CD1B: variants seen among roughly 807,000 people sequenced by gnomAD.
CD1B encodes the protein T-cell surface glycoprotein CD1b.
A neutral mutation model predicts 39.8 loss-of-function variants in CD1B; 43 were observed. The observed-to-expected ratio is 1.08, with a 90% confidence interval of 0.85 to 1.39. The LOEUF is 1.39. CD1B is among the 40% of genes most tolerant of loss of function. The pLI is 0.00. For missense variants in CD1B, 495 were observed against 403.8 expected, an observed-to-expected ratio of 1.23 and a Z score of -1.94; for synonymous variants, 192 against 152.5, an observed-to-expected ratio of 1.26 and a Z score of -1.91.
chr1:158,328,995 G>A lies in CD1B; in HGVS notation c.906C>T (p.Gly302=), dbSNP rs765865793. 1.5e-5 allele frequency: 24 copies of A among 1,613,644 alleles called. No homozygotes were observed. The South Asian group carries it at 2.5e-4, about 17-fold the overall frequency. The part of the protein sequence containing the change: ...ILYWRNPTSI[G]SIVLAIIVPS... ...GCACTATTATTGCCAAAACAATTGAGCCAATGGAGGTGGGGTTTCCTGGCA... is the reference window on the plus strand; with the variant it reads ...GCACTATTATTGCCAAAACAATTGAACCAATGGAGGTGGGGTTTCCTGGCA... Residue 302 remains glycine (G), a synonymous_variant, in exon 5 of 6, where the codon GGC becomes GGT. Transcript: ENST00000368168.
the CD1B span, among the ~76,000 whole-genome samples, chr1:158,318,083 C>G: frequency 3.7e-4 from 56 of 152,218 alleles, no homozygotes; most frequent in South Asian, 2.5e-3. Context: ...TTACTGCCAA[C>G]TATGTGATCA....
the CD1B span, among the ~76,000 whole-genome samples, chr1:158,322,279 C>T: frequency 6.6e-6 from 1 of 152,174 alleles, no homozygotes; most frequent in African/African-American, 2.4e-5. Flanking sequence ...CTCTATCACC[C>T]AGGCTGGAGT....
chr1:158,316,859 G>T, the CD1B span, among the ~76,000 whole-genome samples: 107 of 151,890 alleles, frequency 7.0e-4, 1 homozygote, highest in Admixed American at 3.3e-3. Context: ...TGAGAGTTTT[G>T]AGCATGAAGG....
At chr1:158,305,973 A>C in the CD1B span, among the ~76,000 whole-genome samples, 1 of 152,234 alleles carries the variant, frequency 6.6e-6, no homozygotes, top group Non-Finnish European at 1.5e-5. Flanking sequence ...GCCACTGCAA[A>C]AACATGCCAA....
chr1:158,289,206 T>C, the CD1B span, among the ~76,000 whole-genome samples: 2 of 152,248 alleles, frequency 1.3e-5, no homozygotes, highest in Non-Finnish European at 2.9e-5. Context: ...TAATTTTTTG[T>C]TTAAACATCT....
At chr1:158,320,802 C>T in the CD1B span, among the ~76,000 whole-genome samples, 6 of 151,666 alleles carry the variant, frequency 4.0e-5, no homozygotes, top group Admixed American at 3.9e-4. Flanking sequence ...GTCTAATTTC[C>T]ATGTATTTGT....
the CD1B span, among the ~76,000 whole-genome samples, chr1:158,297,776 A>T: frequency 1.3e-5 from 2 of 152,010 alleles, no homozygotes; most frequent in South Asian, 2.1e-4. Flanking sequence ...CTACAAAAAA[A>T]CCAAGAAAAT....
chr1:158,308,475 A>G, the CD1B span, among the ~76,000 whole-genome samples: 1 of 152,208 alleles, frequency 6.6e-6, no homozygotes, highest in African/African-American at 2.4e-5. Context: ...GAATTGGAAA[A>G]AACTACTTTA....
chr1:158,318,998 C>T, the CD1B span, among the ~76,000 whole-genome samples: 1 of 152,124 alleles, frequency 6.6e-6, no homozygotes, highest in African/African-American at 2.4e-5. Context: ...GGCCCCCACT[C>T]TCTTCTGGCT....
chr1:158,306,782 A>G, the CD1B span, among the ~76,000 whole-genome samples: 6 of 152,372 alleles, frequency 3.9e-5, no homozygotes, highest in South Asian at 1.2e-3. Context: ...AAATTCACTC[A>G]AAGCCGCTCA....
the CD1B span, among the ~76,000 whole-genome samples, chr1:158,303,754 T>A: frequency 1.3e-5 from 2 of 152,128 alleles, no homozygotes; most frequent in African/African-American, 2.4e-5. Flanking sequence ...TATAAAGCAC[T>A]GCTAAAAAAT....
chr1:158,323,554 G>A (rs1652257430), downstream of CD1B, among the ~76,000 whole-genome samples: 2 of 152,148 alleles, frequency 1.3e-5, no homozygotes, highest in Admixed American at 1.3e-4. Flanking sequence ...GCTTGTGTAT[G>A]TACATTGATG....
chr1:158,301,145 A>G, the CD1B span, among the ~76,000 whole-genome samples: 1 of 151,812 alleles, frequency 6.6e-6, no homozygotes, highest in African/African-American at 2.4e-5. Flanking sequence ...TTTGCTTGGT[A>G]GAGTGTCCTC....
chr1:158,310,825 A>G, the CD1B span, among the ~76,000 whole-genome samples: 2 of 152,196 alleles, frequency 1.3e-5, no homozygotes, highest in Non-Finnish European at 2.9e-5. Context: ...AGATTCTAGC[A>G]AGGTTGCAGA....
the CD1B span, among the ~76,000 whole-genome samples, chr1:158,305,037 C>T: frequency 1.8e-3 from 275 of 152,310 alleles, no homozygotes; most frequent in South Asian, 0.015. Flanking sequence ...TGCCTCTCCT[C>T]CTCCAAGGGA....
the CD1B span, among the ~76,000 whole-genome samples, chr1:158,318,637 C>T: frequency 3.3e-5 from 5 of 151,976 alleles, no homozygotes; most frequent in Admixed American, 3.3e-4. Flanking sequence ...TCTGTGTCTT[C>T]TAATTGGAGC....
At position 158,330,839 on chromosome 1, in the gene CD1B, G is replaced by T. The variant is rs150676728; in HGVS notation, c.285C>A (p.Phe95Leu). 6.2e-7 allele frequency: 1 copy of T among 1,613,926 alleles called. No individual in the cohort carries two copies. The highest frequency in any genetic ancestry group is 1.1e-5 in the South Asian group (1 of 91,072). ...CGGCAAAGTCTTGTACTTCTCGAGCGAATCCAAAGATGTAGACTCGGAATA... is the reference window on the plus strand; with the variant it reads ...CGGCAAAGTCTTGTACTTCTCGAGCTAATCCAAAGATGTAGACTCGGAATA... ...EEIFRVYIFG[F>L]AREVQDFAGD... The change falls in exon 2 of 6, where the codon TTC (phenylalanine) becomes TTA (leucine). Residue 95 changes from phenylalanine to leucine, a missense_variant. Phe to Leu is a conservative substitution (Grantham distance 22). Coordinates refer to ENST00000368168, the MANE Select transcript of CD1B (RefSeq NM_001764.3).
the CD1B span, among the ~76,000 whole-genome samples, chr1:158,319,846 G>C: frequency 6.6e-6 from 1 of 152,154 alleles, no homozygotes; most frequent in African/African-American, 2.4e-5. Flanking sequence ...TTTTGATGTG[G>C]ATGTCCTTTC....
the CD1B span, among the ~76,000 whole-genome samples, chr1:158,306,459 A>G: frequency 2.6e-5 from 4 of 152,344 alleles, no homozygotes; most frequent in East Asian, 7.7e-4. Context: ...AAAGAGACTT[A>G]GACTCCCACA....
Sources: allele counts gnomAD v4.1 joint callset (sites outside exome capture counted in the v4.1 genomes callset), GRCh38; gene constraint gnomAD v4.1.1; transcripts MANE v1.5; gene names NCBI Gene and HGNC (gene_info 2026-07-23, HGNC 2026-07-21).